The following AP5B1 variants were observed in gnomAD, a reference collection of about 807,000 sequenced individuals.
The protein encoded by AP5B1 is adaptor related protein complex 5 subunit beta 1, also known as AP-5 complex subunit beta-1.
In AP5B1, 3 loss-of-function variants were observed where a neutral mutation model predicts 5.7. The observed-to-expected ratio is 0.53, with a 90% CI of 0.24 to 1.36. AP5B1 has a LOEUF of 1.36. Among genes scored for constraint, AP5B1 ranks in the 40% most tolerant of loss-of-function variants. The pLI is 0.17. For synonymous variants in AP5B1, 696 were observed against 555.5 expected (o/e 1.25, Z -3.56); for missense variants, 1,310 against 1,143.2 (o/e 1.15, Z -2.10).
chr11:65,779,997 C>T lies in AP5B1; in HGVS notation c.496G>A (p.Gly166Arg). ...CCCCGCAGCAACCCCAGGGAGCCCC[C>T]CAGCAGCCCGGGCTTGCAGCTCTCT... is the stretch of plus-strand genomic sequence containing the variant. ...ELESCKPGLLGGSLGLLRGLL... is the reference protein window; with the variant it reads ...ELESCKPGLLRGSLGLLRGLL... The change falls in exon 2 of 2, where the codon GGG becomes AGG. Residue 166 changes from glycine to arginine, a missense_variant. Transcript: ENST00000532090. The T allele has an allele frequency of 6.4e-7, 1 of 1,567,818 alleles. No homozygotes were observed. Among genetic ancestry groups the T allele is most frequent in the South Asian group, 1.2e-5 (1 of 86,506 alleles).
At position 65,779,307 on chromosome 11, in the gene AP5B1, G is replaced by A. The variant is rs1857811687; in HGVS notation, c.1186C>T (p.Gln396Ter). 2.5e-6 allele frequency: 4 copies of A among 1,599,450 alleles called. No homozygotes were observed. Among genetic ancestry groups the A allele is most frequent in the African/African-American group, 1.3e-5 (1 of 74,822 alleles). Reference protein sequence around the residue: ...EEAAPLLLGPQLCRGLLPSLL... With the variant: ...EEAAPLLLGP The stretch of plus-strand genomic sequence containing the variant: ...CTGGGCAGGAGACCACGGCATAGCT[G>A]GGGCCCTAGCAGCAGTGGGGCAGCC... Residue 396 changes from glutamine (Q) to a stop codon, truncating the protein, a stop_gained, in exon 2 of 2, where the codon CAG (glutamine) becomes TAG (stop). Transcript: ENST00000532090. LOFTEE classifies it low-confidence loss of function (END_TRUNC).
rs56070121 is a variant in AP5B1 at position 65,775,431 on chromosome 11, G to A, written c.*2425C>T. Among the ~76,000 whole-genome samples the A allele has an allele frequency of 0.024, 3,721 of 152,286 alleles. 148 individuals carry two copies. The highest frequency in any genetic ancestry group is 0.082 in the African/African-American group (3,402 of 41,552). On this transcript the variant is annotated 3_prime_UTR_variant, in exon 2 of 2. Transcript: ENST00000532090. ...AGAGAGAAATGGAGTCCACTAATGAGGTGTCCTTTGAAGGATATGGATGGA... is the reference window on the plus strand; with the variant it reads ...AGAGAGAAATGGAGTCCACTAATGAAGTGTCCTTTGAAGGATATGGATGGA...
At position 65,775,935 on chromosome 11, in the gene AP5B1, G is replaced by A. The variant is rs1807181505; in HGVS notation, c.*1921C>T. 1 of 152,148 alleles carries A rather than the reference G, an allele frequency of 6.6e-6. No individual in the cohort carries two copies. The highest frequency in any genetic ancestry group is 2.4e-5 in the African/African-American group (1 of 41,374). The allele number at this position is 152,148 out of a possible 1,614,324, so 9.4% of individuals were successfully genotyped here. On this transcript the variant is annotated 3_prime_UTR_variant, in exon 2 of 2. Coordinates refer to ENST00000532090, the MANE Select transcript of AP5B1 (RefSeq NM_138368.5). ...AGACAGAGCCTTGCTCTGTCGCCCA[G>A]GCTGGAGTGCAGTGGCGTGATCTCG... is the stretch of plus-strand genomic sequence containing the variant.
rs753358355 is a variant in AP5B1, at chr11:65,779,067, G to A, written c.1426C>T (p.Leu476=). Residue 476 remains leucine, a synonymous_variant, in exon 2 of 2, where the codon CTG becomes TTG. Transcript: ENST00000532090. ...GTCAGCACCGTAGGTTGCCCAGCCA[G>A]GCAGCAGGCCACCAGATACGAGGCC... ...FQASYLVACC[L]AGQPTVLTPL... 5.0e-6 allele frequency: 8 copies of A among 1,607,794 alleles called. No individual in the cohort carries two copies. The highest frequency in any genetic ancestry group is 5.9e-6 in the Non-Finnish European group (7 of 1,177,438).
chr11:65,779,277 G>A lies in AP5B1; in HGVS notation c.1216C>T (p.Leu406=), dbSNP rs1365370049. 2.5e-6 allele frequency: 4 copies of A among 1,598,166 alleles called. No individual in the cohort carries two copies. In the South Asian group the frequency reaches 3.4e-5, roughly 13 times the overall value. ...GCCAGGAGGGCCATTGGGTCATGCA[G>A]GAGACTGGGCAGGAGACCACGGCAT... ...QLCRGLLPSL[L]HDPMALLARL... is the part of the protein sequence containing the mutation. The change falls in exon 2 of 2, where the codon CTG becomes TTG. Residue 406 remains leucine (L), a synonymous_variant. Transcript: ENST00000532090.
rs1274435894 is a variant in AP5B1, at chr11:65,780,126, G to A, written c.367C>T (p.Leu123=). Residue 123 remains leucine, a synonymous_variant, in exon 2 of 2, where the codon CTA becomes TTA. Coordinates refer to ENST00000532090, the MANE Select transcript of AP5B1 (RefSeq NM_138368.5). ...TSGASCRLLP[L]LLGLAAGSDL... ...CTACCCGCGGCCAGGCCGAGCAGTA[G>A]GGGCAGGAGCCGGCAGGAGGCGCCC... 2.7e-6 allele frequency: 4 copies of A among 1,488,718 alleles called. No homozygotes were observed. Among genetic ancestry groups the A allele is most frequent in the Non-Finnish European group, 3.6e-6 (4 of 1,121,056 alleles). 92.2% of individuals were successfully genotyped at this position (1,488,718 alleles called of 1,614,324 possible). A position where few individuals can be genotyped will look rare whatever the true frequency, so the allele number is the denominator to read the frequency against.
At position 65,779,568 on chromosome 11, in the gene AP5B1, T is replaced by G. The variant is rs1274246741; in HGVS notation, c.925A>C (p.Lys309Gln). ...CCTAGCAGCCGTACCAGCTGCGGCTTGAAGAGTGCCGGTGGCTGTCCCTGC... is the reference window on the plus strand; with the variant it reads ...CCTAGCAGCCGTACCAGCTGCGGCTGGAAGAGTGCCGGTGGCTGTCCCTGC... ...GLQGQPPALF[K>Q]PQLVRLLGTA... Residue 309 changes from lysine to glutamine, a missense_variant, in exon 2 of 2, where the codon AAG (lysine) becomes CAG (glutamine). Transcript: ENST00000532090. The G allele has an allele frequency of 4.4e-6, 7 of 1,607,482 alleles. No individual in the cohort carries two copies. The Admixed American group carries it at 8.4e-5, about 19-fold the overall frequency.
Position 65,779,407 on chromosome 11 carries a change from C to T in AP5B1, c.1086G>A (p.Pro362=), listed in dbSNP as rs1226658701. The stretch of plus-strand genomic sequence containing the variant: ...AGTGAAGGTAAAAGAGATGGGTGGG[C>T]GGAGGCAGAGCAGGGTGCTGGGCAG... The part of the protein sequence containing the change: ...TLAAQHPALP[P]PTHLFYLHCV... The change falls in exon 2 of 2, where the codon CCG becomes CCA. Residue 362 remains proline (P), a synonymous_variant. Transcript: ENST00000532090. 3 of 1,604,358 alleles carry T rather than the reference C, an allele frequency of 1.9e-6. No individual in the cohort carries two copies. Among genetic ancestry groups the T allele is most frequent in the East Asian group, 2.2e-5 (1 of 44,670 alleles).
rs1434753009 is a variant in AP5B1 at position 65,778,874 on chromosome 11, T to C, written c.1619A>G (p.His540Arg). 3 of 1,609,744 alleles carry C rather than the reference T, an allele frequency of 1.9e-6. No homozygotes were observed. Among genetic ancestry groups the C allele is most frequent in the Non-Finnish European group, 2.5e-6 (3 of 1,178,192 alleles). The change falls in exon 2 of 2, where the codon CAC becomes CGC. Residue 540 changes from histidine to arginine, a missense_variant. Coordinates refer to ENST00000532090, the MANE Select transcript of AP5B1 (RefSeq NM_138368.5). ...TGCCACCTTTGCCAGCATTTGCAGG[T>C]GCCAGCAAAGAGCTTCATCCCTGCC... Reference protein sequence around the residue: ...RPGRDEALCWHLQMLAKVADG... With the variant: ...RPGRDEALCWRLQMLAKVADG...
Position 65,779,177 on chromosome 11 carries a change from T to C in AP5B1, c.1316A>G (p.His439Arg), listed in dbSNP as rs1857808985. 1.9e-6 allele frequency: 3 copies of C among 1,610,852 alleles called. No homozygotes were observed. The highest frequency in any genetic ancestry group is 1.3e-5 in the African/African-American group (1 of 74,912). ...EEKGQLPSPR[H>R]YLEELLAGLR... ...GCCAGCCAGCAGCTCTTCCAGGTAG[T>C]GCCGTGGGCTTGGAAGCTGGCCTTT... The change falls in exon 2 of 2, where the codon CAC becomes CGC. Residue 439 changes from histidine (H) to arginine (R), a missense_variant. By Grantham distance (29) the His-to-Arg change is conservative. Coordinates refer to ENST00000532090, the MANE Select transcript of AP5B1 (RefSeq NM_138368.5).
chr11:65,776,234 C>A lies in AP5B1; in HGVS notation c.*1622G>T. 6.6e-6 allele frequency: 1 copy of A among 152,150 alleles called. No homozygotes were observed. The highest frequency in any genetic ancestry group is 1.5e-5 in the Non-Finnish European group (1 of 68,038). 9.4% of individuals were successfully genotyped at this position (152,150 alleles called of 1,614,324 possible). A position where few individuals can be genotyped will look rare whatever the true frequency, so the allele number is the denominator to read the frequency against. Reference sequence around the variant, plus strand: ...CCTAGTCTGCCCCAATCGGAAGGATCAGGAGGCGTAAAGCTGGCCCATGGG... The same window carrying A: ...CCTAGTCTGCCCCAATCGGAAGGATAAGGAGGCGTAAAGCTGGCCCATGGG... On this transcript the variant is annotated 3_prime_UTR_variant, in exon 2 of 2. Transcript: ENST00000532090.
Position 65,779,511 on chromosome 11 carries a change from G to C in AP5B1, c.982C>G (p.Leu328Val). The C allele has an allele frequency of 6.2e-7, 1 of 1,604,856 alleles. No individual in the cohort carries two copies. Among genetic ancestry groups the C allele is most frequent in the Non-Finnish European group, 8.5e-7 (1 of 1,176,752 alleles). ...TAQLTLLHAM[L>V]ALKAAFGEAL... ...TCACCAAAGGCCGCCTTGAGCGCAAGCATGGCGTGCAACAGTGTCAGCTGT... is the reference window on the plus strand; with the variant it reads ...TCACCAAAGGCCGCCTTGAGCGCAACCATGGCGTGCAACAGTGTCAGCTGT... Residue 328 changes from leucine (L) to valine (V), a missense_variant, in exon 2 of 2, where the codon CTT (leucine) becomes GTT (valine). Physicochemically the swap from Leu to Val is conservative, Grantham distance 32 (BLOSUM62 1). Coordinates refer to ENST00000532090, the MANE Select transcript of AP5B1 (RefSeq NM_138368.5).
rs748908235 is a variant in AP5B1 at position 65,778,438 on chromosome 11, C to T, written c.2055G>A (p.Glu685=). Residue 685 remains glutamate (E), a synonymous_variant, in exon 2 of 2, where the codon GAG becomes GAA. Transcript: ENST00000532090. ...GPLPVLKLQP[E]ALEPIYSLEL... ...CCAGAGAGTAGATGGGCTCCAGCGC[C>T]TCCGGCTGGAGCTTCAACACTGGGA... is the stretch of plus-strand genomic sequence containing the variant. 12 of 1,575,820 alleles carry T rather than the reference C, an allele frequency of 7.6e-6. No homozygotes were observed. Among genetic ancestry groups the T allele is most frequent in the Non-Finnish European group, 9.4e-6 (11 of 1,165,438 alleles).
At position 65,777,149 on chromosome 11, in the gene AP5B1, C is replaced by G. The variant is rs1857773879; in HGVS notation, c.*707G>C. Reference sequence around the variant, plus strand: ...AAAAAAAAGAAAGAAAAGTACTGTCCAACAGGTCAGGTCCACACTCTAGCT... The same window carrying G: ...AAAAAAAAGAAAGAAAAGTACTGTCGAACAGGTCAGGTCCACACTCTAGCT... On this transcript the variant is annotated 3_prime_UTR_variant, in exon 2 of 2. Coordinates refer to ENST00000532090, the MANE Select transcript of AP5B1 (RefSeq NM_138368.5). 1 of 152,290 alleles carries G rather than the reference C, an allele frequency of 6.6e-6. No homozygotes were observed. The highest frequency in any genetic ancestry group is 2.1e-4 in the South Asian group (1 of 4,820). The allele number at this position is 152,290 out of a possible 1,614,324, so 9.4% of individuals were successfully genotyped here. A position where few individuals can be genotyped will look rare whatever the true frequency, so the allele number is the denominator to read the frequency against.
Position 65,777,768 on chromosome 11 carries a change from G to C in AP5B1, c.*88C>G. 2.2e-6 allele frequency: 3 copies of C among 1,391,856 alleles called. No homozygotes were observed. Among genetic ancestry groups the C allele is most frequent in the East Asian group, 2.5e-5 (1 of 39,640 alleles). The allele number at this position is 1,391,856 out of a possible 1,614,324, so 86.2% of individuals were successfully genotyped here. ...AAAACAAGCCAGCGAGGGCACTGCG[G>C]AATGCAGGGTTTTGGCGACAGAGCT... On this transcript the variant is annotated 3_prime_UTR_variant, in exon 2 of 2. Coordinates refer to ENST00000532090, the MANE Select transcript of AP5B1 (RefSeq NM_138368.5).
rs1306663917 is a variant in AP5B1 at position 65,775,146 on chromosome 11, C to T, written c.*2710G>A. Among the ~76,000 whole-genome samples, 1 of 152,132 alleles carries T rather than the reference C, an allele frequency of 6.6e-6. No individual in the cohort carries two copies. The highest frequency in any genetic ancestry group is 2.4e-5 in the African/African-American group (1 of 41,424). ...CCTAGCATGTATCCCAGAGAATTGT[C>T]CCATGGGTCCATAGGGGCATATAAG... On this transcript the variant is annotated 3_prime_UTR_variant, in exon 2 of 2. Transcript: ENST00000532090.
chr11:65,778,815 G>T lies in AP5B1; in HGVS notation c.1678C>A (p.Leu560Ile). 6.2e-7 allele frequency: 1 copy of T among 1,611,490 alleles called. No individual in the cohort carries two copies. Among genetic ancestry groups the T allele is most frequent in the Non-Finnish European group, 8.5e-7 (1 of 1,179,084 alleles). ...GTGCAGTGGGCAGCCGCGGCCTGTA[G>T]AAAGTTGAGGGTAGCACTCTGGGCA... ...GDAQSATLNF[L>I]QAAAAHCTNW... The change falls in exon 2 of 2, where the codon CTA (leucine) becomes ATA (isoleucine). Residue 560 changes from leucine to isoleucine, a missense_variant. Leu to Ile is a conservative substitution (Grantham distance 5, BLOSUM62 2). Transcript: ENST00000532090.
Position 65,779,517 on chromosome 11 carries a change from C to G in AP5B1, c.976G>C (p.Ala326Pro). Reference sequence around the variant, plus strand: ...AAGGCCGCCTTGAGCGCAAGCATGGCGTGCAACAGTGTCAGCTGTGCTGTG... The same window carrying G: ...AAGGCCGCCTTGAGCGCAAGCATGGGGTGCAACAGTGTCAGCTGTGCTGTG... ...LGTAQLTLLH[A>P]MLALKAAFGE... The change falls in exon 2 of 2, where the codon GCC becomes CCC. Residue 326 changes from alanine to proline, a missense_variant. Transcript: ENST00000532090. The G allele has an allele frequency of 6.2e-7, 1 of 1,605,514 alleles. No homozygotes were observed. The highest frequency in any genetic ancestry group is 8.5e-7 in the Non-Finnish European group (1 of 1,177,154).
chr11:65,779,131 C>T lies in AP5B1; in HGVS notation c.1362G>A (p.Leu454=), dbSNP rs758421138. 7 of 1,608,982 alleles carry T rather than the reference C, an allele frequency of 4.4e-6. No individual in the cohort carries two copies. The highest frequency in any genetic ancestry group is 5.1e-6 in the Non-Finnish European group (6 of 1,178,394). The change falls in exon 2 of 2, where the codon CTG becomes CTA. Residue 454 remains leucine, a synonymous_variant. Coordinates refer to ENST00000532090, the MANE Select transcript of AP5B1 (RefSeq NM_138368.5). Reference sequence around the variant, plus strand: ...TGGCCAAGGCCCGGGGGCCCCCATCCAGGGCTGCCCGCTGCCGCAAGCCAG... The same window carrying T: ...TGGCCAAGGCCCGGGGGCCCCCATCTAGGGCTGCCCGCTGCCGCAAGCCAG... ...LLAGLRQRAA[L]DGGPRALATL...
Sources: gnomAD v4.1 joint callset for allele counts (sites outside exome capture counted in the v4.1 genomes callset) on GRCh38, gnomAD v4.1.1 for gene constraint, MANE v1.5 for transcripts, NCBI Gene and HGNC (gene_info 2026-07-23, HGNC 2026-07-21) for gene names.